Variants in PRKAR1B observed in about 807,000 individuals in gnomAD.
PRKAR1B encodes cAMP-dependent protein kinase type I-beta regulatory subunit.
PRKAR1B carries 22 observed loss-of-function variants against 46.5 expected under a neutral mutation model. That is an observed-to-expected ratio of 0.47 (90% CI 0.34 to 0.68). The LOEUF is 0.68. PRKAR1B is among the 30% of genes least tolerant of loss of function. PRKAR1B has a pLI of 0.01. For missense variants in PRKAR1B, 445 were observed against 535.6 expected, an observed-to-expected ratio of 0.83 and a Z score of 1.67; for synonymous variants, 259 against 217.7, an observed-to-expected ratio of 1.19 and a Z score of -1.67.
chr7:704,397 C>A (rs1212796904), intron 2 of PRKAR1B, among the ~76,000 whole-genome samples: 1 of 152,178 alleles, frequency 6.6e-6, no homozygotes, highest in Non-Finnish European at 1.5e-5. Context: ...ATAATACAAA[C>A]ACTACAGACA....
chr7:725,911 G>C (rs1781247793), intron 1 of PRKAR1B, among the ~76,000 whole-genome samples: 1 of 152,170 alleles, frequency 6.6e-6, no homozygotes, highest in African/African-American at 2.4e-5. Flanking sequence ...AAGACAGCAA[G>C]AGAATCAACT....
chr7:704,076 G>A (rs1780191675), intron 2 of PRKAR1B, among the ~76,000 whole-genome samples: 1 of 152,094 alleles, frequency 6.6e-6, no homozygotes, highest in African/African-American at 2.4e-5. Flanking sequence ...CAGTGCTTTA[G>A]AGAAAAATCT....
intron 6 of PRKAR1B, among the ~76,000 whole-genome samples, chr7:605,608 C>T (rs1025456122): frequency 4.6e-5 from 7 of 152,186 alleles, no homozygotes; most frequent in Admixed American, 1.3e-4. Context: ...GGGTCTCCAG[C>T]GGAGGGGAAG....
chr7:622,708 T>C (rs1172536850), intron 4 of PRKAR1B, among the ~76,000 whole-genome samples: 2 of 152,146 alleles, frequency 1.3e-5, no homozygotes, highest in Non-Finnish European at 2.9e-5. Flanking sequence ...AGAATGTGCA[T>C]ATGTGTATTG....
intron 2 of PRKAR1B, among the ~76,000 whole-genome samples, chr7:681,206 TCCTGAGGCCC>T (rs1398582993): frequency 6.6e-6 from 1 of 151,808 alleles, no homozygotes; most frequent in East Asian, 1.9e-4. Context: ...ATCATAAGTT[TCCTGAGGCCC>T]CCCGAGCCAT....
intron 8 of PRKAR1B, among the ~76,000 whole-genome samples, chr7:582,568 G>A (rs940614771): frequency 6.6e-6 from 1 of 152,274 alleles, no homozygotes; most frequent in East Asian, 1.9e-4. Flanking sequence ...TGGGCGGACG[G>A]AGGCCACGCG....
chr7:710,720 A>C (rs1780579817), intron 2 of PRKAR1B, among the ~76,000 whole-genome samples: 1 of 140,388 alleles, frequency 7.1e-6, no homozygotes, highest in Non-Finnish European at 1.5e-5. Flanking sequence ...ATCTCAGCTC[A>C]CTGCAGCCTC....
intron 4 of PRKAR1B, among the ~76,000 whole-genome samples, chr7:642,448 G>T (rs567293195): frequency 2.0e-5 from 3 of 152,158 alleles, no homozygotes; most frequent in Non-Finnish European, 4.4e-5. Context: ...AAACTCGGCC[G>T]GGCGCGGTGG....
chr7:678,193 C>T (rs751681049), intron 3 of PRKAR1B, among the ~76,000 whole-genome samples: 7 of 152,084 alleles, frequency 4.6e-5, no homozygotes, highest in Admixed American at 6.6e-5. Context: ...CACCTGAACC[C>T]GGGAGGTGGA....
At chr7:607,344 C>T in intron 5 of PRKAR1B, 47 bp downstream of exon 5, 1 of 1,560,220 alleles carries the variant, frequency 6.4e-7, no homozygotes. Flanking sequence ...GTGCATAGTC[C>T]ATTTTTCCCC....
chr7:564,515 C>T (rs145197680), intron 9 of PRKAR1B, among the ~76,000 whole-genome samples: 3 of 152,214 alleles, frequency 2.0e-5, no homozygotes, highest in Non-Finnish European at 4.4e-5. Context: ...GTCCTCTCCA[C>T]GTGGGCAGTC....
In PRKAR1B at chr7:550,263, G is replaced by T; in HGVS notation, c.*167C>A. The T allele has an allele frequency of 1.6e-6, 1 of 613,674 alleles. No individual in the cohort carries two copies. The allele number at this position is 613,674 out of a possible 1,614,324, so 38.0% of individuals were successfully genotyped here. ...CCTTTGATTTGGAAATGCACAAGGTGATCATTTATTCCAAAAAGTGAGTCC... is the reference window on the plus strand; with the variant it reads ...CCTTTGATTTGGAAATGCACAAGGTTATCATTTATTCCAAAAAGTGAGTCC... On this transcript the variant is annotated 3_prime_UTR_variant, in exon 11 of 11. Transcript: ENST00000537384.
At chr7:561,246 G>T (rs1480693941) in intron 9 of PRKAR1B, among the ~76,000 whole-genome samples, 1 of 148,630 alleles carries the variant, frequency 6.7e-6, no homozygotes, top group East Asian at 2.0e-4. Flanking sequence ...ACACACCTAG[G>T]CACAAACACA....
chr7:578,484 C>T (rs945354734), intron 9 of PRKAR1B, among the ~76,000 whole-genome samples: 4 of 152,102 alleles, frequency 2.6e-5, no homozygotes, highest in Non-Finnish European at 2.9e-5. Flanking sequence ...CATTTGAGTG[C>T]GGTTGTTAGA....
At chr7:674,824 C>G (rs1786487200) in intron 4 of PRKAR1B, among the ~76,000 whole-genome samples, 1 of 152,258 alleles carries the variant, frequency 6.6e-6, no homozygotes, top group East Asian at 1.9e-4. Context: ...CTTGGGGTAA[C>G]TGGGCACCCT....
intron 2 of PRKAR1B, among the ~76,000 whole-genome samples, chr7:681,203 G>A (rs1345634860): frequency 6.6e-6 from 1 of 151,620 alleles, no homozygotes; most frequent in Non-Finnish European, 1.5e-5. Flanking sequence ...ATGATCATAA[G>A]TTTCCTGAGG....
At chr7:598,961 A>G (rs1009747651) in intron 6 of PRKAR1B, among the ~76,000 whole-genome samples, 1 of 152,208 alleles carries the variant, frequency 6.6e-6, no homozygotes, top group African/African-American at 2.4e-5. Flanking sequence ...CCAGCCCGGG[A>G]CGGCCGCACC....
At chr7:563,869 T>C (rs1241978995) in intron 9 of PRKAR1B, among the ~76,000 whole-genome samples, 1 of 151,626 alleles carries the variant, frequency 6.6e-6, no homozygotes, top group Admixed American at 6.6e-5. Context: ...TGGGTGTGCA[T>C]GGGTTGTGGG....
intron 7 of PRKAR1B, among the ~76,000 whole-genome samples, chr7:591,577 C>T (rs1780981387): frequency 6.6e-6 from 1 of 152,204 alleles, no homozygotes; most frequent in East Asian, 1.9e-4. Context: ...CTGCCAGGTG[C>T]AGCAGCTCAC....
Sources: allele counts gnomAD v4.1 joint callset (sites outside exome capture counted in the v4.1 genomes callset), GRCh38; gene constraint gnomAD v4.1.1; transcripts MANE v1.5; gene names NCBI Gene and HGNC (gene_info 2026-07-23, HGNC 2026-07-21).